The following ACTR3B variants were observed in gnomAD, a reference collection of about 807,000 sequenced individuals.
The protein encoded by ACTR3B is actin related protein 3B, also known as actin-related protein 3B.
Under a neutral mutation model 59.0 loss-of-function variants are expected in ACTR3B, and 8 were observed. The observed-to-expected ratio is 0.14, with a 90% CI of 0.08 to 0.24. The LOEUF is 0.24. Among genes scored for constraint, ACTR3B ranks in the 10% least tolerant of loss-of-function variants. The pLI, the probability that ACTR3B is intolerant of heterozygous loss-of-function variation, is 1.00. For synonymous variants in ACTR3B, 148 were observed against 197.9 expected (o/e 0.75, Z 2.12); for missense variants, 245 against 552.3 (o/e 0.44, Z 5.58).
At position 152,852,145 on chromosome 7, in the gene ACTR3B, G is replaced by C. The variant is rs781361308; in HGVS notation, c.971G>C (p.Gly324Ala). Residue 324 changes from glycine (G) to alanine (A), a missense_variant, in exon 10 of 12, where the codon GGC becomes GCC. Transcript: ENST00000256001. ...PLYKNVVLSG[G>A]STMFRDFGRR... ...TTGTAGAATGTCGTACTCTCAGGAGGCTCCACCATGTTCAGGGATTTCGGA... is the reference window on the plus strand; with the variant it reads ...TTGTAGAATGTCGTACTCTCAGGAGCCTCCACCATGTTCAGGGATTTCGGA... 6.2e-7 allele frequency: 1 copy of C among 1,614,058 alleles called. No homozygotes were observed. The highest frequency in any genetic ancestry group is 8.5e-7 in the Non-Finnish European group (1 of 1,179,998).
At chr7:152,792,179 G>T (rs2098198837) in intron 2 of ACTR3B, among the ~76,000 whole-genome samples, 1 of 152,126 alleles carries the variant, frequency 6.6e-6, no homozygotes, top group Non-Finnish European at 1.5e-5. Context: ...GAGCCACTGT[G>T]CCTGGCCCCC....
At chr7:152,770,071 A>G (rs1023617578) in intron 1 of ACTR3B, among the ~76,000 whole-genome samples, 4 of 152,048 alleles carry the variant, frequency 2.6e-5, no homozygotes, top group African/African-American at 4.8e-5. Flanking sequence ...TGATTTTACC[A>G]TATGTCTTAT....
intron 2 of ACTR3B, among the ~76,000 whole-genome samples, chr7:152,788,414 T>G (rs1411391100): frequency 3.5e-5 from 5 of 142,196 alleles, no homozygotes; most frequent in Non-Finnish European, 6.4e-5. Flanking sequence ...TTCTAAAGTT[T>G]TTTTTTTTTT....
At chr7:152,825,146 C>T (rs374347528) in intron 9 of ACTR3B, 24 bp downstream of exon 9, 118 of 1,603,972 alleles carry the variant, frequency 7.4e-5, no homozygotes, top group Non-Finnish European at 9.2e-5. Flanking sequence ...GGGTAAGGTA[C>T]TTTGATTTCA....
At chr7:152,768,261 T>A (rs576418191) in intron 1 of ACTR3B, among the ~76,000 whole-genome samples, 1 of 152,322 alleles carries the variant, frequency 6.6e-6, no homozygotes, top group Non-Finnish European at 1.5e-5. Context: ...CAAAAGAGAT[T>A]GTTTTACCTC....
intron 2 of ACTR3B, among the ~76,000 whole-genome samples, chr7:152,792,562 C>T (rs2098200321): frequency 6.6e-6 from 1 of 151,960 alleles, no homozygotes; most frequent in African/African-American, 2.4e-5. Flanking sequence ...TCCTGGCCAA[C>T]ATGGTGAAAC....
chr7:152,816,169 A>G lies in ACTR3B; in HGVS notation c.433-312A>G, dbSNP rs188594100. 2.4e-3 allele frequency among the ~76,000 whole-genome samples: 372 copies of G among 152,110 alleles called. 1 individual carries two copies. Among genetic ancestry groups the G allele is most frequent in the African/African-American group, 8.4e-3 (350 of 41,482 alleles). ...ACCATGTTGCCCAGGCTGGTCTCGA[A>G]CTCTTGGGTTCAAGTGATCTGCCTA... On this transcript the variant is annotated intron_variant, in intron 5 of 11. Transcript: ENST00000256001.
chr7:152,794,087 A>AATATTTGG (rs1262453645), intron 2 of ACTR3B, among the ~76,000 whole-genome samples: 1 of 152,120 alleles, frequency 6.6e-6, no homozygotes, highest in African/African-American at 2.4e-5. Flanking sequence ...GTATAGACAA[A>AATATTTGG]ATATTTGGAA....
At chr7:152,833,300 C>T (rs985462421) in intron 9 of ACTR3B, among the ~76,000 whole-genome samples, 10 of 152,338 alleles carry the variant, frequency 6.6e-5, no homozygotes, top group Middle Eastern at 6.8e-3. Context: ...TTGGATTTCT[C>T]CTAGGACACC....
At chr7:152,849,107 C>T (rs765194148) in intron 9 of ACTR3B, among the ~76,000 whole-genome samples, 9 of 152,186 alleles carry the variant, frequency 5.9e-5, no homozygotes, top group African/African-American at 1.4e-4. Context: ...TGGTTGGCCA[C>T]GCCGACAGAG....
chr7:152,827,012 C>G (rs9791464), intron 9 of ACTR3B, among the ~76,000 whole-genome samples: 65,039 of 149,112 alleles, frequency 0.44, 16,155 homozygotes, highest in East Asian at 0.7. Flanking sequence ...GAGGATTCTT[C>G]TTTTTGTTGC....
In ACTR3B at chr7:152,854,905, A is replaced by G. The variant is rs951420520; in HGVS notation, c.*352A>G. 4.1e-5 allele frequency: 8 copies of G among 196,040 alleles called. No individual in the cohort carries two copies. Among genetic ancestry groups the G allele is most frequent in the Non-Finnish European group, 8.3e-5 (8 of 96,338 alleles). The allele number at this position is 196,040 out of a possible 1,614,324, so 12.1% of individuals were successfully genotyped here. A position where few individuals can be genotyped will look rare whatever the true frequency, so the allele number is the denominator to read the frequency against. On this transcript the variant is annotated 3_prime_UTR_variant, in exon 12 of 12. Transcript: ENST00000256001. The surrounding 1 kb of genome is among the most constrained non-coding windows in gnomAD (Gnocchi z 4.9). ...AAATGGCGCAAAATCGTTAGGTCCC[A>G]GGAGAGAATGTGGGGGCGCAAACCC... is the stretch of plus-strand genomic sequence containing the variant.
intron 2 of ACTR3B, among the ~76,000 whole-genome samples, chr7:152,796,837 T>G (rs2098217998): frequency 1.4e-5 from 2 of 142,420 alleles, no homozygotes; most frequent in Non-Finnish European, 3.1e-5. Flanking sequence ...CCCAAGTAGT[T>G]GGGACTCCCG....
intron 2 of ACTR3B, among the ~76,000 whole-genome samples, chr7:152,797,508 T>C (rs2098221440): frequency 6.6e-6 from 1 of 152,236 alleles, no homozygotes; most frequent in Non-Finnish European, 1.5e-5. Flanking sequence ...AATGCATTAC[T>C]TCATATAGTC....
rs534646015 is a variant in ACTR3B at position 152,853,718 on chromosome 7, A to G, written c.1161+141A>G. 1.2e-5 allele frequency: 9 copies of G among 733,426 alleles called. No homozygotes were observed. In the East Asian group the frequency reaches 2.3e-4, roughly 19 times the overall value. 45.4% of individuals were successfully genotyped at this position (733,426 alleles called of 1,614,324 possible). The stretch of plus-strand genomic sequence containing the variant: ...GACCATTCTGTAAGATATAAATTAT[A>G]TCTTTTTTGTTTTTTCGAGATGGAG... On this transcript the variant is annotated intron_variant, in intron 11 of 11. Coordinates refer to ENST00000256001, the MANE Select transcript of ACTR3B (RefSeq NM_020445.6).
chr7:152,783,043 G>GTTTT (rs60952213), intron 1 of ACTR3B, 144 bp from the exon 2 acceptor site: 102 of 311,600 alleles, frequency 3.3e-4, no homozygotes, highest in South Asian at 3.9e-4. Context: ...GTGATCACAA[G>GTTTT]TTTTTTTTTT....
chr7:152,771,712 A>G (rs1458453369), intron 1 of ACTR3B, among the ~76,000 whole-genome samples: 2 of 152,264 alleles, frequency 1.3e-5, no homozygotes, highest in African/African-American at 4.8e-5. Context: ...ATATTAATAT[A>G]AGGACTCACT....
In ACTR3B at chr7:152,769,701, C is replaced by T. The variant is rs548356074; in HGVS notation, c.44+9775C>T. Among the ~76,000 whole-genome samples the T allele has an allele frequency of 1.9e-4, 29 of 151,822 alleles. No homozygotes were observed. The Middle Eastern group carries it at 0.01, about 53-fold the overall frequency. On this transcript the variant is annotated intron_variant, in intron 1 of 11. Coordinates refer to ENST00000256001, the MANE Select transcript of ACTR3B (RefSeq NM_020445.6). The stretch of plus-strand genomic sequence containing the variant: ...GTAGTCCATTTTATTTTATTAATAT[C>T]TTTTTTGGTGCACTTTAGGGCAGAC...
intron 9 of ACTR3B, among the ~76,000 whole-genome samples, chr7:152,849,069 C>T (rs117841237): frequency 1.2e-3 from 189 of 152,246 alleles, no homozygotes; most frequent in Middle Eastern, 3.4e-3. Flanking sequence ...GGCTGCCTCT[C>T]GAGAAATGGA....
Sources: gnomAD v4.1 joint callset for allele counts (sites outside exome capture counted in the v4.1 genomes callset) on GRCh38, gnomAD v4.1.1 for gene constraint, Gnocchi (gnomAD v3.1) non-coding constraint, MANE v1.5 for transcripts, NCBI Gene and HGNC (gene_info 2026-07-23, HGNC 2026-07-21) for gene names.